STK32A: variants seen among roughly 807,000 people sequenced by gnomAD.
The protein encoded by STK32A is serine/threonine-protein kinase 32A.
A neutral mutation model predicts 53.2 loss-of-function variants in STK32A; 41 were observed. The ratio of observed to expected loss-of-function variants is 0.77; its 90% CI spans 0.60 to 1.00. The LOEUF is 1.00. Among genes scored for constraint, STK32A ranks in the 50% least tolerant of loss-of-function variants. The pLI is 0.00. For missense variants in STK32A, 458 were observed against 485.8 expected (o/e 0.94, Z 0.54); for synonymous variants, 166 against 162.8 (o/e 1.02, Z -0.15).
intron 4 of STK32A, among the ~76,000 whole-genome samples, chr5:147,279,818 T>C (rs1751964446): frequency 1.3e-5 from 2 of 152,020 alleles, no homozygotes; most frequent in South Asian, 4.1e-4. Flanking sequence ...TGTTAATGAG[T>C]GTATGATGAG....
chr5:147,287,387 G>A (rs981059100), intron 4 of STK32A, among the ~76,000 whole-genome samples: 4 of 152,112 alleles, frequency 2.6e-5, no homozygotes, highest in Admixed American at 6.5e-5. Context: ...AGAAAAAAAA[G>A]GGTCTTTATT....
intron 4 of STK32A, among the ~76,000 whole-genome samples, chr5:147,317,621 AG>A (rs1446244037): frequency 6.6e-6 from 1 of 152,008 alleles, no homozygotes; most frequent in African/African-American, 2.4e-5. Flanking sequence ...CACTGCACCC[AG>A]CCCACCCTTG....
chr5:147,291,563 A>T (rs2113344), intron 4 of STK32A, among the ~76,000 whole-genome samples: 13 of 151,808 alleles, frequency 8.6e-5, no homozygotes, highest in South Asian at 4.2e-4. Context: ...AAAAAAAAAA[A>T]GAATTTCTAT....
chr5:147,260,295 G>GTCTCTCTCTCTCTCTC (rs71001423), intron 2 of STK32A, among the ~76,000 whole-genome samples: 35 of 117,390 alleles, frequency 3.0e-4, no homozygotes, highest in African/African-American at 1.1e-3. Context: ...TCTCTCGCCT[G>GTCTCTCTCTCTCTCTC]TCTCTCTCTC....
chr5:147,389,821 A>G (rs1334405251), downstream of STK32A, among the ~76,000 whole-genome samples: 1 of 152,126 alleles, frequency 6.6e-6, no homozygotes, highest in Non-Finnish European at 1.5e-5. Flanking sequence ...TAGTGAGCTG[A>G]GATGGTGCCA....
intron 8 of STK32A, 112 bp from the exon 9 acceptor site, chr5:147,370,542 G>C (rs907216650): frequency 4.8e-6 from 3 of 630,204 alleles, no homozygotes; most frequent in Non-Finnish European, 8.2e-6. Context: ...GACAGGGTTA[G>C]AAATTGATAT....
chr5:147,382,414 T>C (rs1369665212), intron 11 of STK32A, among the ~76,000 whole-genome samples: 1 of 152,108 alleles, frequency 6.6e-6, no homozygotes, highest in Non-Finnish European at 1.5e-5. Context: ...ATCTAGTAGA[T>C]CTACTGTTAG....
At chr5:147,271,855 A>C (rs1233039650) in intron 2 of STK32A, among the ~76,000 whole-genome samples, 2 of 152,030 alleles carry the variant, frequency 1.3e-5, no homozygotes, top group Non-Finnish European at 2.9e-5. Flanking sequence ...TAGCAATTTT[A>C]ATTTCGCCCC....
intron 9 of STK32A, 43 bp downstream of exon 9, chr5:147,370,813 A>C: frequency 7.6e-7 from 1 of 1,316,362 alleles, no homozygotes; most frequent in Non-Finnish European, 1.1e-6. Flanking sequence ...AACAAAAGGA[A>C]GCAGGCTCTC....
At chr5:147,261,534 T>C (rs4705032) in intron 2 of STK32A, among the ~76,000 whole-genome samples, 45,095 of 151,998 alleles carry the variant, frequency 0.3, 7,064 homozygotes, top group African/African-American at 0.36. Flanking sequence ...GTGGAGTAGG[T>C]GATCAGAATG....
chr5:147,377,162 T>C (rs1463051636), intron 11 of STK32A, among the ~76,000 whole-genome samples: 1 of 152,172 alleles, frequency 6.6e-6, no homozygotes, highest in Admixed American at 6.5e-5. Flanking sequence ...TCTCTAAGTA[T>C]ATTCTGATAT....
intron 11 of STK32A, among the ~76,000 whole-genome samples, chr5:147,380,014 C>T (rs1354335473): frequency 6.6e-6 from 1 of 152,102 alleles, no homozygotes; most frequent in Non-Finnish European, 1.5e-5. Context: ...ACAAGTTGAA[C>T]ATGAACCCTT....
intron 1 of STK32A, among the ~76,000 whole-genome samples, chr5:147,236,035 A>C (rs1211546738): frequency 1.3e-5 from 2 of 152,212 alleles, no homozygotes; most frequent in Non-Finnish European, 2.9e-5. Context: ...GTGTCTATGC[A>C]CATTCTGTGA....
chr5:147,256,298 G>A (rs970263350), intron 2 of STK32A, among the ~76,000 whole-genome samples: 13 of 152,258 alleles, frequency 8.5e-5, no homozygotes, highest in Admixed American at 2.0e-4. Flanking sequence ...ACCAGACTTC[G>A]GGATATAGCA....
At chr5:147,355,509 T>TA (rs72096179) in intron 7 of STK32A, among the ~76,000 whole-genome samples, 72,265 of 151,046 alleles carry the variant, frequency 0.48, 18,307 homozygotes, top group East Asian at 0.62. Flanking sequence ...CCGTCTCTAC[T>TA]AAAAAAATAC....
At chr5:147,291,958 A>T (rs111954144) in intron 4 of STK32A, among the ~76,000 whole-genome samples, 4 of 152,336 alleles carry the variant, frequency 2.6e-5, no homozygotes, top group African/African-American at 9.6e-5. Flanking sequence ...TTTCATAAGG[A>T]ATCTCAGATT....
intron 4 of STK32A, among the ~76,000 whole-genome samples, chr5:147,314,047 T>A (rs544971303): frequency 3.3e-5 from 5 of 151,942 alleles, no homozygotes; most frequent in African/African-American, 4.8e-5. Context: ...AAAGAACAAG[T>A]ACTAAAAAAA....
intron 4 of STK32A, among the ~76,000 whole-genome samples, chr5:147,319,378 G>A (rs978196285): frequency 1.2e-4 from 19 of 152,066 alleles, no homozygotes; most frequent in African/African-American, 4.1e-4. Flanking sequence ...TCCTGACCTC[G>A]TGATCCGCCC....
intron 4 of STK32A, among the ~76,000 whole-genome samples, chr5:147,300,902 T>G (rs1011602982): frequency 1.3e-5 from 2 of 152,198 alleles, no homozygotes; most frequent in Non-Finnish European, 2.9e-5. Context: ...GGTTGATAAA[T>G]GGTGACTTTA....
Sources: gnomAD v4.1 joint callset for allele counts (sites outside exome capture counted in the v4.1 genomes callset) on GRCh38, gnomAD v4.1.1 for gene constraint, MANE v1.5 for transcripts, NCBI Gene and HGNC (gene_info 2026-07-23, HGNC 2026-07-21) for gene names.